SHOC1: variants seen among roughly 807,000 people sequenced by gnomAD.
SHOC1 encodes the protein protein shortage in chiasmata 1 ortholog.
A neutral mutation model predicts 179.2 loss-of-function variants in SHOC1; 136 were observed. The ratio of observed to expected loss-of-function variants is 0.76; its 90% CI spans 0.66 to 0.87. The LOEUF is 0.87. Among genes scored for constraint, SHOC1 ranks in the 40% least tolerant of loss-of-function variants. The pLI, the probability that SHOC1 is intolerant of heterozygous loss-of-function variation, is 0.00. For synonymous variants in SHOC1, 489 were observed against 586.6 expected, an observed-to-expected ratio of 0.83 and a Z score of 2.41; for missense variants, 1,538 against 1,700.8, an observed-to-expected ratio of 0.90 and a Z score of 1.68.
intron 22 of SHOC1, among the ~76,000 whole-genome samples, 181 bp downstream of exon 22, chr9:111,703,700 G>A (rs557068306): frequency 6.6e-6 from 1 of 152,062 alleles, no homozygotes; most frequent in East Asian, 1.9e-4. Flanking sequence ...AAGCTATAAG[G>A]CATCAGAGAA....
At chr9:111,715,475 C>T (rs1328572735) in intron 16 of SHOC1, among the ~76,000 whole-genome samples, 1 of 152,182 alleles carries the variant, frequency 6.6e-6, no homozygotes, top group African/African-American at 2.4e-5. Flanking sequence ...GCCTCATCTT[C>T]AGACCTCCCC....
chr9:111,750,857 A>AT (rs1255845899), intron 8 of SHOC1, among the ~76,000 whole-genome samples: 23 of 151,884 alleles, frequency 1.5e-4, no homozygotes, highest in Non-Finnish European at 2.9e-5. Context: ...ATTAGATCCC[A>AT]TTTGTCAATT....
At chr9:111,742,391 G>GA (rs1564140915) in intron 10 of SHOC1, among the ~76,000 whole-genome samples, 1 of 152,022 alleles carries the variant, frequency 6.6e-6, no homozygotes, top group East Asian at 1.9e-4. Context: ...GTCCTTCTCT[G>GA]GAGATGGCAG....
Position 111,703,916 on chromosome 9 carries a change from C to A in SHOC1, c.2932G>T (p.Val978Leu). 1 of 1,608,012 alleles carries A rather than the reference C, an allele frequency of 6.2e-7. No homozygotes were observed. Among genetic ancestry groups the A allele is most frequent in the Non-Finnish European group, 8.5e-7 (1 of 1,176,754 alleles). Residue 978 changes from valine (V) to leucine (L), a missense_variant, in exon 22 of 28, where the codon GTG (valine) becomes TTG (leucine). Val to Leu is a conservative substitution (Grantham distance 32, BLOSUM62 1). Coordinates refer to ENST00000682961, the MANE Select transcript of SHOC1 (RefSeq NM_001378211.1). ...LFGSSECYVV[V>L]TIDEHTAIIL... The stretch of plus-strand genomic sequence containing the variant: ...ATGGCAGTGTGTTCATCAATTGTCA[C>A]CACTACATAACACTCTGAACTTCCA...
intron 15 of SHOC1, among the ~76,000 whole-genome samples, chr9:111,721,680 C>T (rs1564124518): frequency 6.6e-6 from 1 of 152,192 alleles, no homozygotes; most frequent in South Asian, 2.1e-4. Context: ...GCTGAATACT[C>T]GAGGGAGAGG....
At chr9:111,745,063 C>G (rs146984013) in intron 10 of SHOC1, among the ~76,000 whole-genome samples, 22 of 152,226 alleles carry the variant, frequency 1.4e-4, no homozygotes, top group South Asian at 4.1e-4. Context: ...TCTGGTCCAC[C>G]CATTACTGAG....
rs375384520 is a variant in SHOC1, at chr9:111,727,798, G to C, written c.1669C>G (p.Pro557Ala). ...NDHFELDCTG[P>A]SIKSPSSSII... ...GAAGAGGAAGGTGATTTAATAGATG[G>C]TCCTGTGCAGTCAAGTTCAAAGTGA... The change falls in exon 13 of 28, where the codon CCA (proline) becomes GCA (alanine). Residue 557 changes from proline to alanine, a missense_variant. Coordinates refer to ENST00000682961, the MANE Select transcript of SHOC1 (RefSeq NM_001378211.1). 1.9e-6 allele frequency: 3 copies of C among 1,613,156 alleles called. No homozygotes were observed. The highest frequency in any genetic ancestry group is 2.5e-6 in the Non-Finnish European group (3 of 1,179,630).
intron 24 of SHOC1, among the ~76,000 whole-genome samples, chr9:111,698,816 A>C (rs1831828551): frequency 6.6e-6 from 1 of 152,124 alleles, no homozygotes; most frequent in Non-Finnish European, 1.5e-5. Flanking sequence ...TGGTGAGTAA[A>C]ATAATGTTAA....
rs768170841 is a variant in SHOC1 at position 111,756,377 on chromosome 9, T to C, written c.810A>G (p.Pro270=). The C allele has an allele frequency of 6.2e-7, 1 of 1,611,528 alleles. No homozygotes were observed. The highest frequency in any genetic ancestry group is 8.5e-7 in the Non-Finnish European group (1 of 1,178,848). Residue 270 remains proline, a synonymous_variant, in exon 8 of 28, where the codon CCA becomes CCG. Transcript: ENST00000682961. ...SLSELKELLN[P]VPEIINYVDE... is the part of the protein sequence containing the mutation. ...CTACATAGTTTATTATTTCTGGCAC[T>C]GGGTTTAATAACTCCTTCAGTTCTG...
At chr9:111,715,563 T>C (rs1040359127) in intron 16 of SHOC1, among the ~76,000 whole-genome samples, 2 of 152,116 alleles carry the variant, frequency 1.3e-5, no homozygotes, top group African/African-American at 4.8e-5. Flanking sequence ...AATTCTTTTG[T>C]GTAGCTTAAA....
chr9:111,785,507 CT>C (rs1232318310), intron 3 of SHOC1, among the ~76,000 whole-genome samples: 1 of 152,118 alleles, frequency 6.6e-6, no homozygotes, highest in East Asian at 1.9e-4. Flanking sequence ...GATGCTACTT[CT>C]TTACTAGTCC....
chr9:111,715,196 G>GA (rs1349375299), intron 16 of SHOC1, among the ~76,000 whole-genome samples: 4 of 152,114 alleles, frequency 2.6e-5, no homozygotes, highest in African/African-American at 4.8e-5. Flanking sequence ...ATGTCCTAAT[G>GA]ATTTCTATGT....
At chr9:111,709,852 G>T (rs1832460559) in intron 18 of SHOC1, among the ~76,000 whole-genome samples, 1 of 152,086 alleles carries the variant, frequency 6.6e-6, no homozygotes, top group Non-Finnish European at 1.5e-5. Context: ...TTGCATGCCT[G>T]TATCAAAACA....
chr9:111,693,677 C>T (rs1437298670), intron 26 of SHOC1, 122 bp downstream of exon 26: 8 of 508,808 alleles, frequency 1.6e-5, no homozygotes, highest in Non-Finnish European at 2.0e-5. Flanking sequence ...TATTTCCTTG[C>T]TATTTGAAGT....
chr9:111,758,672 G>C, intron 6 of SHOC1, 23 bp downstream of exon 6: 1 of 1,546,296 alleles, frequency 6.5e-7, no homozygotes, highest in Admixed American at 2.2e-5. Context: ...AATATTTACA[G>C]CATTGGTCAA....
intron 23 of SHOC1, among the ~76,000 whole-genome samples, chr9:111,700,882 T>G (rs1831940121): frequency 6.6e-6 from 1 of 152,164 alleles, no homozygotes; most frequent in Admixed American, 6.6e-5. Context: ...GCAATGTGTG[T>G]CTAATGAGCT....
At chr9:111,781,754 T>TAAATAAATAAATAAATA (rs1564169047) in intron 3 of SHOC1, among the ~76,000 whole-genome samples, 4 of 49,276 alleles carry the variant, frequency 8.1e-5, no homozygotes, top group Admixed American at 5.7e-4. Flanking sequence ...ATAAATAAAT[T>TAAATAAATAAATAAATA]TGTATGTGTA....
At chr9:111,783,855 G>A (rs77396835) in intron 3 of SHOC1, among the ~76,000 whole-genome samples, 1,581 of 152,264 alleles carry the variant, frequency 0.01, 30 homozygotes, top group African/African-American at 0.036. Context: ...GGTCCCGTAA[G>A]GCTCAGGAAA....
At chr9:111,713,006 A>T in intron 18 of SHOC1, 94 bp downstream of exon 18, 1 of 780,314 alleles carries the variant, frequency 1.3e-6, no homozygotes, top group Non-Finnish European at 2.1e-6. Flanking sequence ...ATGCTATGTT[A>T]ATTATGTCTT....
Sources: gnomAD v4.1 joint callset for allele counts (sites outside exome capture counted in the v4.1 genomes callset) on GRCh38, gnomAD v4.1.1 for gene constraint, MANE v1.5 for transcripts, NCBI Gene and HGNC (gene_info 2026-07-23, HGNC 2026-07-21) for gene names.